LRRFIP1: variants seen among roughly 807,000 people sequenced by gnomAD.
LRRFIP1 encodes LRR binding FLII interacting protein 1.
In LRRFIP1, 62 loss-of-function variants were observed where a neutral mutation model predicts 104.4. The observed-to-expected ratio is 0.59, with a 90% CI of 0.48 to 0.73. The LOEUF (loss-of-function observed/expected upper bound fraction) is 0.73. Ranked by LOEUF, LRRFIP1 falls within the 30% of genes least tolerant of loss-of-function variation. LRRFIP1 has a pLI of 0.00. For missense variants in LRRFIP1, 796 were observed against 824.5 expected, an observed-to-expected ratio of 0.97 and a Z score of 0.42; for synonymous variants, 300 against 299.0, an observed-to-expected ratio of 1.00 and a Z score of -0.03.
chr2:237,713,007 G>A (rs772267680), intron 2 of LRRFIP1, among the ~76,000 whole-genome samples: 1 of 152,040 alleles, frequency 6.6e-6, no homozygotes, highest in Non-Finnish European at 1.5e-5. Context: ...TGTTTTCATC[G>A]GGGTCACAAG....
chr2:237,758,199 C>T (rs1488139142), intron 17 of LRRFIP1, among the ~76,000 whole-genome samples: 1 of 151,768 alleles, frequency 6.6e-6, no homozygotes, highest in Non-Finnish European at 1.5e-5. Context: ...TGTGTTTCCA[C>T]TGTCACGCTC....
intron 1 of LRRFIP1, among the ~76,000 whole-genome samples, chr2:237,630,556 A>G (rs1384948876): frequency 6.6e-6 from 1 of 152,252 alleles, no homozygotes; most frequent in Non-Finnish European, 1.5e-5. Flanking sequence ...AGAGAGAATC[A>G]CAGCCGGCCA....
chr2:237,698,753 C>T (rs899746339), intron 1 of LRRFIP1, among the ~76,000 whole-genome samples: 1 of 152,170 alleles, frequency 6.6e-6, no homozygotes, highest in African/African-American at 2.4e-5. Flanking sequence ...GCACCAGGCA[C>T]CCAGACCTGT....
chr2:237,752,551 T>C lies in LRRFIP1; in HGVS notation c.868-758T>C, dbSNP rs1401298466. On this transcript the variant is annotated intron_variant, in intron 14 of 23. Coordinates refer to ENST00000308482, the MANE Select transcript of LRRFIP1 (RefSeq NM_001137550.2). Reference sequence around the variant, plus strand: ...CTGGTAGCCTCTGCTGCACCTGAACTGGCAGCTCTTGCCGCTGCCTTTAGC... The same window carrying C: ...CTGGTAGCCTCTGCTGCACCTGAACCGGCAGCTCTTGCCGCTGCCTTTAGC... Among the ~76,000 whole-genome samples the C allele has an allele frequency of 3.9e-5, 6 of 152,252 alleles. No homozygotes were observed. The East Asian group carries it at 1.2e-3, about 29-fold the overall frequency.
chr2:237,705,182 G>A (rs889183932), intron 1 of LRRFIP1, among the ~76,000 whole-genome samples: 5 of 152,204 alleles, frequency 3.3e-5, no homozygotes, highest in African/African-American at 4.8e-5. Context: ...GCAGGCAGGC[G>A]GGGAAGTGGG....
chr2:237,750,096 A>G (rs188080031), intron 13 of LRRFIP1, among the ~76,000 whole-genome samples: 6 of 152,214 alleles, frequency 3.9e-5, no homozygotes, highest in Admixed American at 2.6e-4. Flanking sequence ...AAGGGAAGCA[A>G]CTTCCACTGG....
At chr2:237,634,266 A>G (rs2082786603) in intron 1 of LRRFIP1, among the ~76,000 whole-genome samples, 1 of 152,246 alleles carries the variant, frequency 6.6e-6, no homozygotes, top group South Asian at 2.1e-4. Flanking sequence ...TCAATTGCAG[A>G]TGCTGTCAGC....
rs771308186 is a variant in LRRFIP1 at position 237,727,867 on chromosome 2, T to C, written c.385-9T>C. On this transcript the variant is annotated splice_polypyrimidine_tract_variant and intron_variant, in intron 7 of 23. Coordinates refer to ENST00000308482, the MANE Select transcript of LRRFIP1 (RefSeq NM_001137550.2). ...GATGTCAGTTTTTCTCTTTTCTTCA[T>C]TGAAACAGACAAATGGTTATGATGG... 1 of 1,603,038 alleles carries C rather than the reference T, an allele frequency of 6.2e-7. No homozygotes were observed. The highest frequency in any genetic ancestry group is 2.2e-5 in the East Asian group (1 of 44,834).
chr2:237,703,620 C>T lies in LRRFIP1; in HGVS notation c.97-4924C>T, dbSNP rs1442553726. On this transcript the variant is annotated intron_variant, in intron 1 of 23. Transcript: ENST00000308482. The surrounding 1 kb of genome is among the most constrained non-coding windows in gnomAD (Gnocchi z 4.3). Reference sequence around the variant, plus strand: ...CTTAGGGCTCCTGTCCTGCGGATGCCTTCCCCAGCCCCCCGGGGTTGGGTC... The same window carrying T: ...CTTAGGGCTCCTGTCCTGCGGATGCTTTCCCCAGCCCCCCGGGGTTGGGTC... Among the ~76,000 whole-genome samples, 1 of 151,942 alleles carries T rather than the reference C, an allele frequency of 6.6e-6. No homozygotes were observed.
intron 1 of LRRFIP1, among the ~76,000 whole-genome samples, chr2:237,665,440 C>T (rs751753006): frequency 2.0e-5 from 3 of 152,330 alleles, no homozygotes; most frequent in African/African-American, 4.8e-5. Context: ...TTGGAATCCA[C>T]TCTTCACGTA....
chr2:237,653,371 A>T (rs920989694), intron 1 of LRRFIP1, among the ~76,000 whole-genome samples: 16 of 152,226 alleles, frequency 1.1e-4, no homozygotes, highest in African/African-American at 3.9e-4. Context: ...GACACAAATA[A>T]ATGTGAAGAT....
chr2:237,692,182 C>T (rs1356769692), intron 1 of LRRFIP1: 4 of 1,033,324 alleles, frequency 3.9e-6, no homozygotes, highest in Non-Finnish European at 4.6e-6. Flanking sequence ...CGGGCGGAGG[C>T]GCCCGAGTCC....
At position 237,758,841 on chromosome 2, in the gene LRRFIP1, T is replaced by A; in HGVS notation, c.1317+20T>A. On this transcript the variant is annotated intron_variant, in intron 18 of 23. Coordinates refer to ENST00000308482, the MANE Select transcript of LRRFIP1 (RefSeq NM_001137550.2). ...TTAAAGGTATGAAGCCAAACTACAG[T>A]TTTATTTAAAAAAAAAGAAAAAAAA... 1 of 1,550,118 alleles carries A rather than the reference T, an allele frequency of 6.5e-7. No homozygotes were observed. Among genetic ancestry groups the A allele is most frequent in the South Asian group, 1.2e-5 (1 of 84,490 alleles).
At position 237,716,157 on chromosome 2, in the gene LRRFIP1, A is replaced by C. The variant is rs56301618; in HGVS notation, c.202-1605A>C. 2.6e-3 allele frequency among the ~76,000 whole-genome samples: 399 copies of C among 152,370 alleles called. 1 individual carries two copies. Among genetic ancestry groups the C allele is most frequent in the Non-Finnish European group, 3.8e-3 (257 of 68,042 alleles). ...TATTTTGCTTCCCTCTTTCTAGTTA[A>C]GCCAAAAAATAAGGGAGGAGTGATG... On this transcript the variant is annotated intron_variant, in intron 3 of 23. Coordinates refer to ENST00000308482, the MANE Select transcript of LRRFIP1 (RefSeq NM_001137550.2).
intron 1 of LRRFIP1, among the ~76,000 whole-genome samples, chr2:237,628,935 C>G (rs1333592376): frequency 6.6e-6 from 1 of 152,200 alleles, no homozygotes; most frequent in African/African-American, 2.4e-5. Flanking sequence ...CAGGCAAACC[C>G]TTATTCATTC....
In LRRFIP1 at chr2:237,711,060, G is replaced by A. The variant is rs935243399; in HGVS notation, c.183+2430G>A. Among the ~76,000 whole-genome samples, 5 of 152,168 alleles carry A rather than the reference G, an allele frequency of 3.3e-5. No homozygotes were observed. Among genetic ancestry groups the A allele is most frequent in the African/African-American group, 1.2e-4 (5 of 41,428 alleles). On this transcript the variant is annotated intron_variant, in intron 2 of 23. Coordinates refer to ENST00000308482, the MANE Select transcript of LRRFIP1 (RefSeq NM_001137550.2). This position sits in a 1 kb window ranked among gnomAD's most constrained non-coding sequence, Gnocchi z 4.4. ...TGCACTCCAGCTGGGGCAACATAAT[G>A]AGACCCCTATCTCTTTCAAAAAGTA...
At chr2:237,671,879 T>C (rs1309769505) in intron 1 of LRRFIP1, among the ~76,000 whole-genome samples, 3 of 148,854 alleles carry the variant, frequency 2.0e-5, no homozygotes, top group African/African-American at 7.5e-5. Flanking sequence ...TTTTGAAACA[T>C]ACTAGATGCC....
intron 10 of LRRFIP1, among the ~76,000 whole-genome samples, chr2:237,738,817 A>G (rs1001251512): frequency 6.6e-6 from 1 of 152,262 alleles, no homozygotes; most frequent in African/African-American, 2.4e-5. Flanking sequence ...TGGAGAAGCA[A>G]AATTTTTGTT....
rs549911863 is a variant in LRRFIP1 at position 237,780,780 on chromosome 2, C to G, written c.*1248C>G. On this transcript the variant is annotated 3_prime_UTR_variant, in exon 24 of 24. Coordinates refer to ENST00000308482, the MANE Select transcript of LRRFIP1 (RefSeq NM_001137550.2). The stretch of plus-strand genomic sequence containing the variant: ...TGCTAGGGGTCACCAGTGTCCATCC[C>G]CCAGAACTGTATGGATCTAGGATAT... Among the ~76,000 whole-genome samples the G allele has an allele frequency of 6.6e-6, 1 of 152,264 alleles. No individual in the cohort carries two copies. Among genetic ancestry groups the G allele is most frequent in the African/African-American group, 2.4e-5 (1 of 41,546 alleles).
Sources: gnomAD v4.1 joint callset for allele counts (sites outside exome capture counted in the v4.1 genomes callset) on GRCh38, gnomAD v4.1.1 for gene constraint, Gnocchi (gnomAD v3.1) non-coding constraint, MANE v1.5 for transcripts, NCBI Gene and HGNC (gene_info 2026-07-23, HGNC 2026-07-21) for gene names.